Variants in RAI1 observed in about 807,000 individuals in gnomAD.
RAI1 encodes retinoic acid induced 1.
Under a neutral mutation model 123.8 loss-of-function variants are expected in RAI1, and 9 were observed. The ratio of observed to expected loss-of-function variants is 0.07; its 90% CI spans 0.04 to 0.13. The LOEUF (loss-of-function observed/expected upper bound fraction) is 0.13. RAI1 is among the 10% of genes least tolerant of loss of function. The probability of loss-of-function intolerance (pLI) is 1.00; values close to 1 mark genes in which losing one functional copy is unlikely to be tolerated. For synonymous variants in RAI1, 1,231 were observed against 1,127.3 expected, an observed-to-expected ratio of 1.09 and a Z score of -1.84; for missense variants, 2,256 against 2,545.8, an observed-to-expected ratio of 0.89 and a Z score of 2.45.
chr17:17,760,433 A>G (rs1046241982), intron 2 of RAI1, among the ~76,000 whole-genome samples: 36 of 152,130 alleles, frequency 2.4e-4, no homozygotes, highest in African/African-American at 8.5e-4. Context: ...TGTACCCAGA[A>G]GTTTGGCTCA....
intron 3 of RAI1, among the ~76,000 whole-genome samples, chr17:17,802,801 AG>A (rs2032502597): frequency 6.6e-6 from 1 of 150,736 alleles, no homozygotes; most frequent in Admixed American, 6.6e-5. Flanking sequence ...AAGAGCCAGT[AG>A]GCCAGGCGCT....
Position 17,793,764 on chromosome 17 carries a change from C to T in RAI1, c.816C>T (p.Gly272=), listed in dbSNP as rs570822773. Residue 272 remains glycine (G), a synonymous_variant, in exon 3 of 6, where the codon GGC becomes GGT. Transcript: ENST00000353383. ...RVQNLHAYQS[G]RLSYDQQQQQ... is the part of the protein sequence containing the mutation. Reference sequence around the variant, plus strand: ...AGAATCTTCATGCCTACCAGTCGGGCCGCCTCAGCTATGACCAGCAGCAGC... The same window carrying T: ...AGAATCTTCATGCCTACCAGTCGGGTCGCCTCAGCTATGACCAGCAGCAGC... 2 of 1,609,350 alleles carry T rather than the reference C, an allele frequency of 1.2e-6. No individual in the cohort carries two copies. Among genetic ancestry groups the T allele is most frequent in the East Asian group, 2.2e-5 (1 of 44,534 alleles).
intron 1 of RAI1, among the ~76,000 whole-genome samples, chr17:17,699,909 G>C (rs58713387): frequency 6.6e-6 from 1 of 152,142 alleles, no homozygotes; most frequent in Non-Finnish European, 1.5e-5. Context: ...CCAGACTGTC[G>C]AGGTTCAAAG....
chr17:17,765,583 T>A (rs979103216), intron 2 of RAI1, among the ~76,000 whole-genome samples: 1 of 152,220 alleles, frequency 6.6e-6, no homozygotes, highest in Admixed American at 6.5e-5. Context: ...CAGGCAAGAA[T>A]AGTTGTATAA....
chr17:17,744,967 C>T (rs1916774349), intron 2 of RAI1, among the ~76,000 whole-genome samples: 2 of 152,028 alleles, frequency 1.3e-5, no homozygotes, highest in South Asian at 4.2e-4. Flanking sequence ...GTGTGCTGAA[C>T]CCCGAGGATT....
intron 2 of RAI1, among the ~76,000 whole-genome samples, chr17:17,737,051 C>T (rs1052969918): frequency 2.6e-4 from 40 of 152,002 alleles, no homozygotes; most frequent in African/African-American, 7.7e-4. Context: ...TTGAAGATGA[C>T]GGGGAATATT....
At chr17:17,747,246 C>A (rs2142978392) in intron 2 of RAI1, among the ~76,000 whole-genome samples, 1 of 152,220 alleles carries the variant, frequency 6.6e-6, no homozygotes, top group South Asian at 2.1e-4. Context: ...GCTCACAGAC[C>A]CCCACACGTC....
intron 2 of RAI1, chr17:17,779,372 G>A (rs2142997481): frequency 5.7e-6 from 1 of 176,266 alleles, no homozygotes; most frequent in East Asian, 1.5e-4. Context: ...CTCCCTTCCT[G>A]GCATGAGAGC....
chr17:17,782,759 G>T (rs2031642975), intron 2 of RAI1, among the ~76,000 whole-genome samples: 1 of 152,080 alleles, frequency 6.6e-6, no homozygotes, highest in Non-Finnish European at 1.5e-5. Flanking sequence ...CGAGCCGGGC[G>T]CACCTCTCCG....
rs942928652 is a variant in RAI1, at chr17:17,810,712, C to T, written c.*731C>T. 4.7e-6 allele frequency: 2 copies of T among 422,140 alleles called. No homozygotes were observed. Among genetic ancestry groups the T allele is most frequent in the South Asian group, 1.6e-5 (1 of 61,310 alleles). 26.1% of individuals were successfully genotyped at this position (422,140 alleles called of 1,614,324 possible). On this transcript the variant is annotated 3_prime_UTR_variant, in exon 6 of 6. Transcript: ENST00000353383. The surrounding 1 kb of genome is among the most constrained non-coding windows in gnomAD (Gnocchi z 4.6). ...TGGGCGGGACTGGGACACCCTTTGG[C>T]CTCTGTTTGTCCCCTTTCCAGTCCT... is the stretch of plus-strand genomic sequence containing the variant.
intron 1 of RAI1, among the ~76,000 whole-genome samples, chr17:17,682,190 G>A (rs1044114841): frequency 3.9e-5 from 6 of 152,148 alleles, no homozygotes; most frequent in Admixed American, 3.3e-4. Context: ...GCCGGGGGCG[G>A]AGGTGAGCTT....
intron 1 of RAI1, among the ~76,000 whole-genome samples, chr17:17,687,749 C>G (rs1304406078): frequency 5.3e-5 from 8 of 152,010 alleles, no homozygotes. Flanking sequence ...TAAAGGTGAG[C>G]TGGGGCGCCG....
At chr17:17,792,186 G>A (rs752082104) in intron 2 of RAI1, among the ~76,000 whole-genome samples, 41 of 152,362 alleles carry the variant, frequency 2.7e-4, no homozygotes, top group Non-Finnish European at 4.7e-4. Context: ...GCCGTCTTGC[G>A]TTCCTGGGAG....
At chr17:17,785,726 C>G (rs2031804654) in intron 2 of RAI1, among the ~76,000 whole-genome samples, 2 of 152,192 alleles carry the variant, frequency 1.3e-5, no homozygotes, top group Admixed American at 6.5e-5. Context: ...CCCTGCCTCC[C>G]CCCTGAGCCC....
At chr17:17,804,812 C>T (rs2032563817) in intron 4 of RAI1, among the ~76,000 whole-genome samples, 1 of 152,006 alleles carries the variant, frequency 6.6e-6, no homozygotes, top group South Asian at 2.1e-4. Flanking sequence ...ATGTGCGCAG[C>T]CATGCTGGCT....
chr17:17,804,981 G>C (rs1598099709), intron 4 of RAI1, among the ~76,000 whole-genome samples: 2 of 152,200 alleles, frequency 1.3e-5, no homozygotes, highest in East Asian at 3.9e-4. Context: ...TCCTGCCTCA[G>C]CCTCTCAAGT....
chr17:17,738,745 G>A (rs918623003), intron 2 of RAI1, among the ~76,000 whole-genome samples: 4 of 152,214 alleles, frequency 2.6e-5, no homozygotes, highest in Admixed American at 2.0e-4. Flanking sequence ...ACCCTGATGG[G>A]CTGCAGAGGG....
At chr17:17,751,509 C>CA (rs1567872405) in intron 2 of RAI1, among the ~76,000 whole-genome samples, 1 of 152,032 alleles carries the variant, frequency 6.6e-6, no homozygotes, top group African/African-American at 2.4e-5. Flanking sequence ...GAAAGGGTAG[C>CA]AAAAAAAGAA....
Position 17,794,782 on chromosome 17 carries a change from C to T in RAI1, c.1834C>T (p.Leu612=), listed in dbSNP as rs755978927. ...ACAGGAGGACCTGGCCTCCGAGATCCTGGGGCTGCAGGAAGCCATCGGTGA... is the reference window on the plus strand; with the variant it reads ...ACAGGAGGACCTGGCCTCCGAGATCTTGGGGCTGCAGGAAGCCATCGGTGA... ...LAQEDLASEI[L]GLQEAIGEKA... is the part of the protein sequence containing the mutation. The change falls in exon 3 of 6, where the codon CTG becomes TTG. Residue 612 remains leucine (L), a synonymous_variant. Coordinates refer to ENST00000353383, the MANE Select transcript of RAI1 (RefSeq NM_030665.4). 1.2e-6 allele frequency: 2 copies of T among 1,612,996 alleles called. No homozygotes were observed. Among genetic ancestry groups the T allele is most frequent in the South Asian group, 1.1e-5 (1 of 91,084 alleles).
Sources: allele counts gnomAD v4.1 joint callset (sites outside exome capture counted in the v4.1 genomes callset), GRCh38; gene constraint gnomAD v4.1.1; non-coding constraint Gnocchi (gnomAD v3.1); transcripts MANE v1.5; gene names NCBI Gene and HGNC (gene_info 2026-07-23, HGNC 2026-07-21).